The following SIN3A variants were observed in gnomAD, a reference collection of about 807,000 sequenced individuals.
The protein encoded by SIN3A is paired amphipathic helix protein Sin3a.
SIN3A carries 14 observed loss-of-function variants against 146.1 expected under a neutral mutation model. The observed-to-expected ratio is 0.10, with a 90% CI of 0.06 to 0.15. The LOEUF (loss-of-function observed/expected upper bound fraction) is 0.15, where lower values mean the gene tolerates loss of function less well. Ranked by LOEUF, SIN3A falls within the 10% of genes least tolerant of loss-of-function variation. The pLI, the probability that SIN3A is intolerant of heterozygous loss-of-function variation, is 1.00. For missense variants in SIN3A, 1,028 were observed against 1,576.0 expected (o/e 0.65, Z 5.89); for synonymous variants, 572 against 572.0 (o/e 1.00, Z 0.00).
intron 20 of SIN3A, among the ~76,000 whole-genome samples, chr15:75,374,959 G>A (rs1389045533): frequency 2.0e-5 from 3 of 152,178 alleles, no homozygotes; most frequent in African/African-American, 7.2e-5. Flanking sequence ...CACCCTATAC[G>A]CAGCTGCACC....
At chr15:75,399,388 C>A (rs754899910) in intron 12 of SIN3A, among the ~76,000 whole-genome samples, 2 of 152,020 alleles carry the variant, frequency 1.3e-5, no homozygotes, top group Non-Finnish European at 2.9e-5. Context: ...ATTAGCCGGA[C>A]GTGTTGGCGG....
At chr15:75,407,184 G>T in intron 8 of SIN3A, 40 bp from the exon 9 acceptor site, 1 of 1,328,510 alleles carries the variant, frequency 7.5e-7, no homozygotes, top group South Asian at 1.2e-5. Context: ...TTCAACGAGT[G>T]GTTTTCTCTG....
chr15:75,447,058 C>A (rs921861042), intron 1 of SIN3A, among the ~76,000 whole-genome samples: 1 of 152,190 alleles, frequency 6.6e-6, no homozygotes, highest in Non-Finnish European at 1.5e-5. Context: ...TGGGCCACCG[C>A]GCCCAGCTCA....
intron 1 of SIN3A, among the ~76,000 whole-genome samples, chr15:75,434,930 A>G (rs2074079889): frequency 6.6e-6 from 1 of 151,996 alleles, no homozygotes; most frequent in Admixed American, 6.6e-5. Flanking sequence ...CCTGGGCAAC[A>G]AGAGCAAAAC....
chr15:75,442,120 C>CAAAAAA lies in SIN3A; in HGVS notation c.-34+9297_-34+9302dup, dbSNP rs57418865. On this transcript the variant is annotated intron_variant, in intron 1 of 20. Transcript: ENST00000394947. ...GGGTAACAAGAGTGAGACTCTGTCT[C>CAAAAAA]AAAAAAAAAAAAAAAAAAAAAAAAA... Among the ~76,000 whole-genome samples, 28 of 29,278 alleles carry CAAAAAA rather than the reference C, an allele frequency of 9.6e-4. 2 individuals carry two copies. The highest frequency in any genetic ancestry group is 1.9e-3 in the East Asian group (1 of 536). 19.2% of individuals were successfully genotyped at this position (29,278 alleles called of 152,430 possible).
At chr15:75,414,128 G>A (rs1189083967) in intron 4 of SIN3A, 77 bp downstream of exon 4, 4 of 661,202 alleles carry the variant, frequency 6.0e-6, no homozygotes, top group African/African-American at 1.8e-5. Context: ...TTATCTTCCA[G>A]TAAATAAACT....
intron 1 of SIN3A, among the ~76,000 whole-genome samples, chr15:75,433,515 T>C (rs748102515): frequency 2.0e-5 from 3 of 152,118 alleles, no homozygotes; most frequent in Non-Finnish European, 2.9e-5. Flanking sequence ...TCTACAACAC[T>C]ACAGAGGCTG....
chr15:75,411,832 C>T (rs534468042), intron 5 of SIN3A, 89 bp from the exon 6 acceptor site: 8 of 1,377,738 alleles, frequency 5.8e-6, no homozygotes, highest in African/African-American at 2.9e-5. Flanking sequence ...AAGGTGTCAA[C>T]GTATATCCTT....
chr15:75,434,163 A>G (rs1478126535), intron 1 of SIN3A, among the ~76,000 whole-genome samples: 2 of 152,216 alleles, frequency 1.3e-5, no homozygotes, highest in Non-Finnish European at 2.9e-5. Flanking sequence ...ACATGCAGGG[A>G]GCAAGTTCAG....
rs150872018 is a variant in SIN3A, at chr15:75,386,217, G to A, written c.3022-1780C>T. On this transcript the variant is annotated intron_variant, in intron 16 of 20. Coordinates refer to ENST00000394947, the MANE Select transcript of SIN3A (RefSeq NM_001145358.2). ...ACTTTTTTGTATTTTCAGAAGAGAC[G>A]GGGTTTTGCCATGTTGCCCAGTCTG... Among the ~76,000 whole-genome samples the A allele has an allele frequency of 1.6e-3, 236 of 152,224 alleles. 1 individual carries two copies. Among genetic ancestry groups the A allele is most frequent in the East Asian group, 2.7e-3 (14 of 5,180 alleles).
At chr15:75,393,523 G>A (rs1404575389) in intron 14 of SIN3A, among the ~76,000 whole-genome samples, 2 of 151,984 alleles carry the variant, frequency 1.3e-5, no homozygotes, top group East Asian at 3.9e-4. Context: ...ATTAAGAAGT[G>A]CACCACCATG....
chr15:75,431,652 A>G (rs886313230), intron 1 of SIN3A, among the ~76,000 whole-genome samples: 5 of 62,448 alleles, frequency 8.0e-5, no homozygotes, highest in African/African-American at 1.2e-4. Context: ...GGTTAAGTTA[A>G]AAAAAAAAAA....
intron 2 of SIN3A, among the ~76,000 whole-genome samples, chr15:75,428,595 G>A (rs2073964792): frequency 6.6e-6 from 1 of 152,122 alleles, no homozygotes; most frequent in Non-Finnish European, 1.5e-5. Context: ...AACCTCCCAG[G>A]CTCAAATGAT....
chr15:75,390,241 TA>T (rs1302632574), intron 15 of SIN3A, among the ~76,000 whole-genome samples: 1 of 152,110 alleles, frequency 6.6e-6, no homozygotes, highest in Non-Finnish European at 1.5e-5. Context: ...CAATGAAGCA[TA>T]AAGTACAGAT....
At chr15:75,387,726 A>G (rs2073117265) in intron 16 of SIN3A, among the ~76,000 whole-genome samples, 1 of 152,078 alleles carries the variant, frequency 6.6e-6, no homozygotes, top group Admixed American at 6.6e-5. Flanking sequence ...TGCTGGTGGT[A>G]TGAAAGACTT....
chr15:75,410,437 G>A (rs1297573083), intron 6 of SIN3A, 151 bp from the exon 7 acceptor site: 1 of 660,054 alleles, frequency 1.5e-6, no homozygotes. Flanking sequence ...AGACTTTCAA[G>A]TTGAGAAAAA....
chr15:75,430,161 T>A, intron 2 of SIN3A, 26 bp downstream of exon 2: 1 of 1,573,446 alleles, frequency 6.4e-7, no homozygotes. Context: ...TCCCTCATTC[T>A]AGTCCCTTGG....
chr15:75,410,422 AC>A, intron 6 of SIN3A, 136 bp from the exon 7 acceptor site: 1 of 763,456 alleles, frequency 1.3e-6, no homozygotes. Context: ...ACCCGTTCTG[AC>A]CACAGACTTT....
intron 4 of SIN3A, among the ~76,000 whole-genome samples, chr15:75,413,935 C>T (rs1473268005): frequency 2.0e-5 from 3 of 152,084 alleles, no homozygotes; most frequent in Non-Finnish European, 4.4e-5. Context: ...AATTCAGAAA[C>T]CAAGTAGCCT....
Sources: allele counts gnomAD v4.1 joint callset (sites outside exome capture counted in the v4.1 genomes callset), GRCh38; gene constraint gnomAD v4.1.1; transcripts MANE v1.5; gene names NCBI Gene and HGNC (gene_info 2026-07-23, HGNC 2026-07-21).